The following WDR17 variants were observed in gnomAD, a reference collection of about 807,000 sequenced individuals.
WDR17 encodes WD repeat-containing protein 17.
A neutral mutation model predicts 161.7 loss-of-function variants in WDR17; 143 were observed. The observed-to-expected ratio is 0.88, with a 90% CI of 0.77 to 1.02. WDR17 has a LOEUF of 1.02. WDR17 is among the 50% of genes least tolerant of loss of function. The probability of loss-of-function intolerance (pLI) is 0.00; values close to 1 mark genes in which losing one functional copy is unlikely to be tolerated. For synonymous variants in WDR17, 517 were observed against 515.6 expected (o/e 1.00, Z -0.04); for missense variants, 1,469 against 1,520.9 (o/e 0.97, Z 0.57).
At chr4:176,114,710 A>G (rs1740314568) in intron 2 of WDR17, among the ~76,000 whole-genome samples, 1 of 151,870 alleles carries the variant, frequency 6.6e-6, no homozygotes, top group South Asian at 2.1e-4. Context: ...AGAGGCTGAA[A>G]AAACAGGTAT....
At chr4:176,091,954 T>G (rs1736179406) in intron 1 of WDR17, among the ~76,000 whole-genome samples, 1 of 151,960 alleles carries the variant, frequency 6.6e-6, no homozygotes, top group Admixed American at 6.6e-5. Context: ...AAAACGATAA[T>G]AAAAAGTCTC....
At position 176,111,669 on chromosome 4, in the gene WDR17, C is replaced by T. The variant is rs1303506965; in HGVS notation, c.89C>T (p.Ala30Val). 3.1e-6 allele frequency: 5 copies of T among 1,608,556 alleles called. No individual in the cohort carries two copies. Among genetic ancestry groups the T allele is most frequent in the Non-Finnish European group, 4.2e-6 (5 of 1,176,738 alleles). The change falls in exon 2 of 29, where the codon GCA becomes GTA. Residue 30 changes from alanine to valine, a missense_variant. Ala to Val is a moderately conservative substitution (Grantham distance 64, BLOSUM62 0). Transcript: ENST00000508596. ...TGTGCTGCCAGTGGAGACAGGTTTG[C>T]ATATTGTGCGACCCTGGCTATCTAT... ...DVCAASGDRF[A>V]YCATLAIYIY... is the part of the protein sequence containing the mutation.
At chr4:176,170,136 G>T (rs1041254509) in intron 23 of WDR17, among the ~76,000 whole-genome samples, 14 of 151,762 alleles carry the variant, frequency 9.2e-5, no homozygotes, top group African/African-American at 2.7e-4. Context: ...ATTATTTTCA[G>T]ATTTTAAAGA....
intron 8 of WDR17, among the ~76,000 whole-genome samples, chr4:176,136,771 CA>C (rs1486712188): frequency 6.6e-6 from 1 of 151,388 alleles, no homozygotes; most frequent in Non-Finnish European, 1.5e-5. Context: ...TTAAGAACCC[CA>C]AAAGGAGAGC....
chr4:176,097,281 A>C (rs1306751491), intron 1 of WDR17, among the ~76,000 whole-genome samples: 1 of 151,878 alleles, frequency 6.6e-6, no homozygotes, highest in African/African-American at 2.4e-5. Context: ...TTATTTTATT[A>C]ATTAGTGGGA....
chr4:176,124,140 C>T (rs1561136055), intron 4 of WDR17, among the ~76,000 whole-genome samples: 1 of 152,118 alleles, frequency 6.6e-6, no homozygotes, highest in Non-Finnish European at 1.5e-5. Context: ...TTCAATTGTG[C>T]TTTTTAAAGA....
intron 1 of WDR17, among the ~76,000 whole-genome samples, chr4:176,079,421 A>C (rs572252974): frequency 1.3e-5 from 2 of 152,290 alleles, no homozygotes; most frequent in South Asian, 4.1e-4. Flanking sequence ...CTAATAAGAA[A>C]TGTATTAGAA....
intron 23 of WDR17, among the ~76,000 whole-genome samples, chr4:176,169,442 G>A (rs1750376122): frequency 6.6e-6 from 1 of 152,056 alleles, no homozygotes; most frequent in African/African-American, 2.4e-5. Context: ...CTATGAAACA[G>A]TTAAATAGAA....
At chr4:176,170,621 A>G (rs888599626) in intron 23 of WDR17, among the ~76,000 whole-genome samples, 13 of 152,132 alleles carry the variant, frequency 8.5e-5, no homozygotes, top group African/African-American at 3.1e-4. Flanking sequence ...GGCCAAATCA[A>G]TTATTTTCTA....
rs371532919 is a variant in WDR17, at chr4:176,160,076, C to G, written c.2608C>G (p.His870Asp). Reference protein sequence around the residue: ...IAIGDVKKLVHFFMSRGQLKE... With the variant: ...IAIGDVKKLVDFFMSRGQLKE... ...CATTGGTGATGTGAAAAAGCTAGTC[C>G]ATTTTTTCATGTCAAGAGGTCAGCT... The change falls in exon 19 of 29, where the codon CAT becomes GAT. Residue 870 changes from histidine to aspartate, a missense_variant. His to Asp is a moderately conservative substitution (Grantham distance 81). Coordinates refer to ENST00000508596, the MANE Select transcript of WDR17 (RefSeq NM_181265.4). 6.2e-7 allele frequency: 1 copy of G among 1,613,810 alleles called. No individual in the cohort carries two copies. Among genetic ancestry groups the G allele is most frequent in the East Asian group, 2.2e-5 (1 of 44,866 alleles).
intron 1 of WDR17, among the ~76,000 whole-genome samples, chr4:176,082,740 C>T (rs1349972121): frequency 6.6e-6 from 1 of 152,048 alleles, no homozygotes; most frequent in African/African-American, 2.4e-5. Context: ...AAGATACTTT[C>T]CATTTTAAAA....
intron 3 of WDR17, among the ~76,000 whole-genome samples, chr4:176,116,282 G>A (rs952081411): frequency 3.4e-4 from 52 of 151,590 alleles, no homozygotes; most frequent in African/African-American, 1.2e-3. Flanking sequence ...TAATCAGAAA[G>A]ATTTTGTTAT....
At chr4:176,092,173 A>G (rs1421578258) in intron 1 of WDR17, among the ~76,000 whole-genome samples, 1 of 152,214 alleles carries the variant, frequency 6.6e-6, no homozygotes, top group Non-Finnish European at 1.5e-5. Flanking sequence ...AGTGTTTCCG[A>G]TGAATATTGA....
chr4:176,085,204 T>C (rs1266159080), intron 1 of WDR17, among the ~76,000 whole-genome samples: 1 of 152,102 alleles, frequency 6.6e-6, no homozygotes, highest in Non-Finnish European at 1.5e-5. Flanking sequence ...AGAATTTACA[T>C]TTTCACATTT....
intron 17 of WDR17, among the ~76,000 whole-genome samples, chr4:176,153,960 GAGA>G (rs1434280680): frequency 6.6e-6 from 1 of 152,146 alleles, no homozygotes; most frequent in Non-Finnish European, 1.5e-5. Context: ...CATTACTGCA[GAGA>G]AGATCTATCA....
chr4:176,116,006 A>T, intron 3 of WDR17, 27 bp downstream of exon 3: 1 of 1,563,872 alleles, frequency 6.4e-7, no homozygotes, highest in Non-Finnish European at 8.6e-7. Context: ...GATTTATTTT[A>T]TGGAATAAAA....
intron 1 of WDR17, among the ~76,000 whole-genome samples, chr4:176,102,878 C>T (rs559351074): frequency 6.6e-6 from 1 of 152,278 alleles, no homozygotes; most frequent in African/African-American, 2.4e-5. Flanking sequence ...TCACCTCAAG[C>T]CCCAGGGCAG....
chr4:176,097,086 T>C (rs2126646161), intron 1 of WDR17, among the ~76,000 whole-genome samples: 1 of 152,046 alleles, frequency 6.6e-6, no homozygotes, highest in South Asian at 2.1e-4. Context: ...GCATTGTTAG[T>C]GTGGCAACAT....
intron 4 of WDR17, among the ~76,000 whole-genome samples, chr4:176,122,828 A>C (rs1480947618): frequency 6.6e-6 from 1 of 152,234 alleles, no homozygotes; most frequent in African/African-American, 2.4e-5. Context: ...AATGTAGTTC[A>C]TCATTTTAAA....
Sources: gnomAD v4.1 joint callset for allele counts (sites outside exome capture counted in the v4.1 genomes callset) on GRCh38, gnomAD v4.1.1 for gene constraint, MANE v1.5 for transcripts, NCBI Gene and HGNC (gene_info 2026-07-23, HGNC 2026-07-21) for gene names.